The following ZNF330 variants were observed in gnomAD, a reference collection of about 807,000 sequenced individuals.
The protein encoded by ZNF330 is nucleolar atypical zinc finger, also known as zinc finger protein 330.
ZNF330 carries 31 observed loss-of-function variants against 45.5 expected under a neutral mutation model. That is an observed-to-expected ratio of 0.68 (90% CI 0.51 to 0.92). The LOEUF is 0.92. Ranked by LOEUF, ZNF330 falls within the 40% of genes least tolerant of loss-of-function variation. ZNF330 has a pLI of 0.00. For missense variants in ZNF330, 356 were observed against 387.4 expected, an observed-to-expected ratio of 0.92 and a Z score of 0.68; for synonymous variants, 138 against 123.2, an observed-to-expected ratio of 1.12 and a Z score of -0.79.
intron 4 of ZNF330, among the ~76,000 whole-genome samples, chr4:141,225,159 T>A (rs907406237): frequency 3.3e-5 from 5 of 152,072 alleles, no homozygotes; most frequent in Non-Finnish European, 7.4e-5. Flanking sequence ...ATTCATGAGT[T>A]TCCTCACATG....
chr4:141,232,509 T>G lies in ZNF330; in HGVS notation c.571-16T>G. On this transcript the variant is annotated splice_polypyrimidine_tract_variant and intron_variant, in intron 8 of 9. Coordinates refer to ENST00000262990, the MANE Select transcript of ZNF330 (RefSeq NM_014487.6). ...ACATTTTTATTTATTTACTTTATTT[T>G]GCTTCTCCTATACAGGCTTGTTTCT... 1 of 1,392,742 alleles carries G rather than the reference T, an allele frequency of 7.2e-7. No homozygotes were observed. Among genetic ancestry groups the G allele is most frequent in the Non-Finnish European group, 9.7e-7 (1 of 1,032,962 alleles). 86.3% of individuals were successfully genotyped at this position (1,392,742 alleles called of 1,614,324 possible).
At chr4:141,222,532 T>C (rs553707925) in intron 2 of ZNF330, 41 bp downstream of exon 2, 32 of 1,594,568 alleles carry the variant, frequency 2.0e-5, no homozygotes, top group Admixed American at 3.6e-5. Context: ...TTGGAAAAAC[T>C]ATATACTATT....
At chr4:141,228,184 A>C (rs1728855984) in intron 5 of ZNF330, among the ~76,000 whole-genome samples, 1 of 151,890 alleles carries the variant, frequency 6.6e-6, no homozygotes. Context: ...ATTGCTCTTT[A>C]TTTTAAGTAT....
At position 141,232,049 on chromosome 4, in the gene ZNF330, T is replaced by G. The variant is rs570001179; in HGVS notation, c.571-476T>G. ...ACTTTTCCATCTTGGCTTACCCTAT[T>G]GCCCTCCCATTCTTCATATGGCTAT... On this transcript the variant is annotated intron_variant, in intron 8 of 9. Coordinates refer to ENST00000262990, the MANE Select transcript of ZNF330 (RefSeq NM_014487.6). 2.0e-5 allele frequency among the ~76,000 whole-genome samples: 3 copies of G among 152,202 alleles called. No homozygotes were observed. In the East Asian group the frequency reaches 5.8e-4, roughly 29 times the overall value.
At chr4:141,232,238 A>C (rs185732729) in intron 8 of ZNF330, among the ~76,000 whole-genome samples, 24 of 152,252 alleles carry the variant, frequency 1.6e-4, no homozygotes, top group Admixed American at 1.3e-3. Flanking sequence ...GCTGTTCACC[A>C]TTATTTCATT....
chr4:141,233,637 A>G (rs2111262205), intron 9 of ZNF330, 78 bp from the exon 10 acceptor site: 2 of 1,470,300 alleles, frequency 1.4e-6, no homozygotes, highest in East Asian at 4.8e-5. Context: ...AATGAAATCC[A>G]TGAAATTTTA....
At chr4:141,230,127 G>A (rs766074969) in intron 6 of ZNF330, 39 bp from the exon 7 acceptor site, 6 of 1,425,580 alleles carry the variant, frequency 4.2e-6, no homozygotes, top group Non-Finnish European at 5.9e-6. Flanking sequence ...TTAAATTAAA[G>A]TTTATCTTAA....
At chr4:141,221,726 TAA>T (rs1728683600) in intron 1 of ZNF330, among the ~76,000 whole-genome samples, 1 of 152,190 alleles carries the variant, frequency 6.6e-6, no homozygotes, top group South Asian at 2.1e-4. Flanking sequence ...AACATACTCT[TAA>T]ACGTAAATTT....
At position 141,229,559 on chromosome 4, in the gene ZNF330, C is replaced by T. The variant is rs1451085191; in HGVS notation, c.292-12C>T. On this transcript the variant is annotated splice_polypyrimidine_tract_variant and intron_variant, in intron 5 of 9. Transcript: ENST00000262990. ...GTGATAATGATTATGTATTCTTGTTCCTTGGTTACAGGGTGCAATATGTGA... is the reference window on the plus strand; with the variant it reads ...GTGATAATGATTATGTATTCTTGTTTCTTGGTTACAGGGTGCAATATGTGA... 1.9e-6 allele frequency: 3 copies of T among 1,612,198 alleles called. No homozygotes were observed. The highest frequency in any genetic ancestry group is 2.5e-6 in the Non-Finnish European group (3 of 1,178,780).
chr4:141,231,726 C>G (rs576639264), intron 8 of ZNF330, among the ~76,000 whole-genome samples: 16 of 152,150 alleles, frequency 1.1e-4, no homozygotes, highest in African/African-American at 3.9e-4. Flanking sequence ...AATCCTGGCT[C>G]TGTGTTTTTA....
At chr4:141,224,988 A>G (rs1414753342) in intron 4 of ZNF330, among the ~76,000 whole-genome samples, 2 of 152,130 alleles carry the variant, frequency 1.3e-5, no homozygotes, top group Non-Finnish European at 2.9e-5. Context: ...TTTTAGTTAT[A>G]CTACCTTAGT....
In ZNF330 at chr4:141,230,162, A is replaced by G. The variant is rs756694015; in HGVS notation, c.419-4A>G. On this transcript the variant is annotated splice_region_variant and splice_polypyrimidine_tract_variant and intron_variant, in intron 6 of 9. Transcript: ENST00000262990. ...ATTACATTTGTGTTTTTTTAATCCAATAGGAGGCAGAATATTCAGTTGTTC... is the reference window on the plus strand; with the variant it reads ...ATTACATTTGTGTTTTTTTAATCCAGTAGGAGGCAGAATATTCAGTTGTTC... The G allele has an allele frequency of 5.0e-6, 8 of 1,591,256 alleles. No homozygotes were observed. In the Admixed American group the frequency reaches 5.2e-5, roughly 10 times the overall value.
intron 8 of ZNF330, 24 bp from the exon 9 acceptor site, chr4:141,232,496 ATTTAC>A (rs1172987813): frequency 7.4e-6 from 9 of 1,216,458 alleles, no homozygotes; most frequent in South Asian, 1.9e-5. Flanking sequence ...ATTTTTATTT[ATTTAC>A]TTTATTTTGC....
chr4:141,229,600 G>T lies in ZNF330; in HGVS notation c.321G>T (p.Trp107Cys). ...CAATATGTGACTTCTGTGAAGCTTG[G>T]GTTTGCCATGGTAGGAAATGTCTCA... ...VGAICDFCEAWVCHGRKCLST... is the reference protein window; with the variant it reads ...VGAICDFCEACVCHGRKCLST... The change falls in exon 6 of 10, where the codon TGG becomes TGT. Residue 107 changes from tryptophan to cysteine, a missense_variant. Physicochemically the swap from Trp to Cys is radical, Grantham distance 215. Transcript: ENST00000262990. 6.2e-7 allele frequency: 1 copy of T among 1,612,964 alleles called. No individual in the cohort carries two copies. The highest frequency in any genetic ancestry group is 1.3e-5 in the African/African-American group (1 of 74,900).
intron 5 of ZNF330, 117 bp from the exon 6 acceptor site, chr4:141,229,454 T>C (rs1209649982): frequency 9.0e-6 from 12 of 1,328,630 alleles, no homozygotes; most frequent in Non-Finnish European, 1.0e-6. Flanking sequence ...AGCGGCCTAC[T>C]ATCATTGAGG....
Position 141,233,881 on chromosome 4 carries a change from T to A in ZNF330, c.855T>A (p.Asp285Glu). 6.2e-7 allele frequency: 1 copy of A among 1,613,700 alleles called. No homozygotes were observed. Among genetic ancestry groups the A allele is most frequent in the Non-Finnish European group, 8.5e-7 (1 of 1,179,776 alleles). Residue 285 changes from aspartate to glutamate, a missense_variant, in exon 10 of 10, where the codon GAT (aspartate) becomes GAA (glutamate). By Grantham distance (45) the Asp-to-Glu change is conservative. Coordinates refer to ENST00000262990, the MANE Select transcript of ZNF330 (RefSeq NM_014487.6). ...CAGAGGATGATGAAGAGGAAGAAGATGAAGGCAGAAAGGATTCAGATACTG... is the reference window on the plus strand; with the variant it reads ...CAGAGGATGATGAAGAGGAAGAAGAAGAAGGCAGAAAGGATTCAGATACTG... ...YEAEDDEEEE[D>E]EGRKDSDTES...
chr4:141,233,625 C>A, intron 9 of ZNF330, 90 bp from the exon 10 acceptor site: 3 of 1,452,330 alleles, frequency 2.1e-6, no homozygotes, highest in Non-Finnish European at 1.8e-6. Context: ...ATTGAAGCAG[C>A]CAATGAAATC....
chr4:141,224,558 T>A, intron 3 of ZNF330, 49 bp from the exon 4 acceptor site: 1 of 1,608,882 alleles, frequency 6.2e-7, no homozygotes, highest in Non-Finnish European at 8.5e-7. Flanking sequence ...TCCCTCTGAC[T>A]TTTTATCTGA....
At chr4:141,222,607 G>GA in intron 2 of ZNF330, 116 bp downstream of exon 2, 1 of 1,111,008 alleles carries the variant, frequency 9.0e-7, no homozygotes. Flanking sequence ...GTTTGTTGCT[G>GA]AATTTAGTAT....
Sources: allele counts gnomAD v4.1 joint callset (sites outside exome capture counted in the v4.1 genomes callset), GRCh38; gene constraint gnomAD v4.1.1; transcripts MANE v1.5; gene names NCBI Gene and HGNC (gene_info 2026-07-23, HGNC 2026-07-21).